RXYLT1: variants seen among roughly 807,000 people sequenced by gnomAD.
RXYLT1 encodes ribitol xylosyltransferase 1, also known as ribitol-5-phosphate xylosyltransferase 1.
In RXYLT1, 41 loss-of-function variants were observed where a neutral mutation model predicts 43.5. The observed-to-expected ratio is 0.94, with a 90% CI of 0.73 to 1.22. RXYLT1 has a LOEUF of 1.22. RXYLT1 is among the 50% of genes most tolerant of loss of function. The probability of loss-of-function intolerance (pLI) is 0.00; values close to 1 mark genes in which losing one functional copy is unlikely to be tolerated. For synonymous variants in RXYLT1, 166 were observed against 194.4 expected (o/e 0.85, Z 1.21); for missense variants, 514 against 532.0 (o/e 0.97, Z 0.33).
intron 3 of RXYLT1, among the ~76,000 whole-genome samples, chr12:63,800,029 A>G (rs1263584626): frequency 6.6e-6 from 1 of 152,190 alleles, no homozygotes; most frequent in Non-Finnish European, 1.5e-5. Context: ...TGGTCCCTGT[A>G]TGTTATATAA....
intron 3 of RXYLT1, among the ~76,000 whole-genome samples, chr12:63,797,318 C>CT (rs1370860707): frequency 5.3e-5 from 8 of 151,444 alleles, no homozygotes; most frequent in Non-Finnish European, 2.9e-5. Flanking sequence ...TATGCATACT[C>CT]TACCATGTTT....
At position 63,780,104 on chromosome 12, in the gene RXYLT1, C is replaced by G. The variant is rs1407024718; in HGVS notation, c.144C>G (p.Ala48=). ...GSPRGLRKGA[A]PARERRGREQ... is the part of the protein sequence containing the mutation. ...CGCGGGGCCTCAGGAAGGGGGCGGC[C>G]CCCGCGCGGGAGAGACGCGGCCGAG... The change falls in exon 1 of 6, where the codon GCC becomes GCG. Residue 48 remains alanine, a synonymous_variant. Transcript: ENST00000261234. The G allele has an allele frequency of 1.6e-5, 24 of 1,546,228 alleles. No homozygotes were observed. Among genetic ancestry groups the G allele is most frequent in the Non-Finnish European group, 2.0e-5 (23 of 1,151,496 alleles).
chr12:63,780,660 C>A (rs1897659942), intron 1 of RXYLT1, among the ~76,000 whole-genome samples: 2 of 152,162 alleles, frequency 1.3e-5, no homozygotes, highest in South Asian at 4.1e-4. Flanking sequence ...ACTCTGAAGT[C>A]AGTTTTTTGT....
At chr12:63,792,459 A>G (rs149571557) in intron 3 of RXYLT1, among the ~76,000 whole-genome samples, 2,085 of 152,328 alleles carry the variant, frequency 0.014, 21 homozygotes, top group Middle Eastern at 0.041. Flanking sequence ...GCCTCTTCAA[A>G]GATTAATGAG....
Position 63,779,920 on chromosome 12 carries a change from C to A in RXYLT1, c.-41C>A, listed in dbSNP as rs762943506. On this transcript the variant is annotated 5_prime_UTR_variant, in exon 1 of 6. Coordinates refer to ENST00000261234, the MANE Select transcript of RXYLT1 (RefSeq NM_014254.3). ...CGGTGTCGCGGATTCTCTTTCCGCCCGCTCCATGGCGGTGGATGCCTGACT... is the reference window on the plus strand; with the variant it reads ...CGGTGTCGCGGATTCTCTTTCCGCCAGCTCCATGGCGGTGGATGCCTGACT... 5 of 1,606,360 alleles carry A rather than the reference C, an allele frequency of 3.1e-6. No homozygotes were observed. The highest frequency in any genetic ancestry group is 1.3e-5 in the African/African-American group (1 of 74,448).
intron 3 of RXYLT1, among the ~76,000 whole-genome samples, chr12:63,797,625 C>T (rs1898064669): frequency 6.6e-6 from 1 of 152,058 alleles, no homozygotes; most frequent in Non-Finnish European, 1.5e-5. Flanking sequence ...TCATGGTGGG[C>T]CTTGTATGTA....
rs569789057 is a variant in RXYLT1, at chr12:63,784,902, T to C, written c.326-68T>C. 8.2e-5 allele frequency: 111 copies of C among 1,350,908 alleles called. No individual in the cohort carries two copies. In the South Asian group the frequency reaches 1.3e-3, roughly 16 times the overall value. 83.7% of individuals were successfully genotyped at this position (1,350,908 alleles called of 1,614,324 possible). ...ATGAGTAAAAGAACAGAACGTAAACTTGTCTCATGCACTAAAGTAGATGAG... is the reference window on the plus strand; with the variant it reads ...ATGAGTAAAAGAACAGAACGTAAACCTGTCTCATGCACTAAAGTAGATGAG... On this transcript the variant is annotated intron_variant, in intron 2 of 5. Coordinates refer to ENST00000261234, the MANE Select transcript of RXYLT1 (RefSeq NM_014254.3).
chr12:63,791,066 C>A lies in RXYLT1; in HGVS notation c.428+5994C>A, dbSNP rs141930719. Among the ~76,000 whole-genome samples the A allele has an allele frequency of 1.2e-3, 183 of 152,226 alleles. 1 individual carries two copies. In the Middle Eastern group the frequency reaches 0.014, roughly 11 times the overall value. ...CTTACCCCTCCGTCATGTACCTGCC[C>A]ACAAATGCCTTATTGATACATTCTT... On this transcript the variant is annotated intron_variant, in intron 3 of 5. Coordinates refer to ENST00000261234, the MANE Select transcript of RXYLT1 (RefSeq NM_014254.3).
intron 3 of RXYLT1, 27 bp downstream of exon 3, chr12:63,785,099 T>C (rs372764664): frequency 1.3e-6 from 2 of 1,532,766 alleles, no homozygotes; most frequent in African/African-American, 2.7e-5. Flanking sequence ...TTGTGCAACA[T>C]TAACCTTTGA....
chr12:63,785,153 A>G (rs1279248884), intron 3 of RXYLT1, 81 bp downstream of exon 3: 2 of 830,878 alleles, frequency 2.4e-6, no homozygotes, highest in African/African-American at 3.5e-5. Context: ...AAAGAAAAAT[A>G]ATAGGAAAAT....
chr12:63,797,258 C>A (rs1393621465), intron 3 of RXYLT1, among the ~76,000 whole-genome samples: 1 of 151,966 alleles, frequency 6.6e-6, no homozygotes, highest in Admixed American at 6.6e-5. Flanking sequence ...GCCACCATGC[C>A]CAGCCTCATA....
chr12:63,793,536 A>G (rs1176961768), intron 3 of RXYLT1, among the ~76,000 whole-genome samples: 2 of 152,206 alleles, frequency 1.3e-5, no homozygotes, highest in Non-Finnish European at 2.9e-5. Flanking sequence ...GCAAATAAAA[A>G]AGAAAACTTT....
At chr12:63,799,137 C>T (rs553207344) in intron 3 of RXYLT1, among the ~76,000 whole-genome samples, 2 of 152,122 alleles carry the variant, frequency 1.3e-5, no homozygotes, top group Non-Finnish European at 2.9e-5. Context: ...AAGACCAAGA[C>T]AGTATAAATG....
intron 3 of RXYLT1, among the ~76,000 whole-genome samples, chr12:63,791,564 G>T (rs553999333): frequency 6.6e-6 from 1 of 152,196 alleles, no homozygotes; most frequent in African/African-American, 2.4e-5. Flanking sequence ...AACGTTAATG[G>T]TTACTGACAT....
At chr12:63,808,490 G>A in intron 5 of RXYLT1, 185 bp from the exon 6 acceptor site, 1 of 608,868 alleles carries the variant, frequency 1.6e-6, no homozygotes, top group South Asian at 2.3e-5. Context: ...ACTGTAAAAT[G>A]TTCCAATTCT....
chr12:63,795,477 C>T (rs532853926), intron 3 of RXYLT1: 1 of 149,524 alleles, frequency 6.7e-6, no homozygotes, highest in Admixed American at 6.7e-5. Flanking sequence ...CCTGTAGTCC[C>T]AGCTACTAGG....
intron 5 of RXYLT1, chr12:63,807,722 G>A (rs112515225): frequency 0.011 from 1,604 of 152,150 alleles, 13 homozygotes; most frequent in Non-Finnish European, 0.018. Flanking sequence ...ACGCCATCAC[G>A]CCCGGCTAAT....
At chr12:63,803,626 C>T (rs959925136) in intron 4 of RXYLT1, 1 of 152,050 alleles carries the variant, frequency 6.6e-6, no homozygotes, top group Admixed American at 6.5e-5. Context: ...TGGGGTAAGG[C>T]CAGACAAAAA....
At chr12:63,804,456 G>A (rs917306976) in intron 4 of RXYLT1, 7 of 152,070 alleles carry the variant, frequency 4.6e-5, no homozygotes, top group African/African-American at 1.4e-4. Flanking sequence ...TTATCTGTCA[G>A]TTTGTTTTAA....
Sources: gnomAD v4.1 joint callset for allele counts (sites outside exome capture counted in the v4.1 genomes callset) on GRCh38, gnomAD v4.1.1 for gene constraint, MANE v1.5 for transcripts, NCBI Gene and HGNC (gene_info 2026-07-23, HGNC 2026-07-21) for gene names.